The following PLIN4 variants were observed in gnomAD, a reference collection of about 807,000 sequenced individuals.
PLIN4 encodes perilipin 4, also known as perilipin-4.
Under a neutral mutation model 52.4 loss-of-function variants are expected in PLIN4, and 57 were observed. That is an observed-to-expected ratio of 1.09 (90% confidence interval 0.88 to 1.36). The LOEUF (loss-of-function observed/expected upper bound fraction) is 1.36, where lower values mean the gene tolerates loss of function less well. PLIN4 is among the 40% of genes most tolerant of loss of function. The pLI, the probability that PLIN4 is intolerant of heterozygous loss-of-function variation, is 0.00. For synonymous variants in PLIN4, 826 were observed against 785.4 expected, an observed-to-expected ratio of 1.05 and a Z score of -0.86; for missense variants, 1,757 against 1,770.3, an observed-to-expected ratio of 0.99 and a Z score of 0.13.
At chr19:4,509,787 A>G (rs568286117) in intron 5 of PLIN4, among the ~76,000 whole-genome samples, 18 of 150,588 alleles carry the variant, frequency 1.2e-4, no homozygotes, top group Admixed American at 6.6e-4. Context: ...AAAAAAATAC[A>G]TAGCCGGGCA....
Position 4,516,459 on chromosome 19 carries a change from G to C in PLIN4, c.258+158C>G, listed in dbSNP as rs1425135860. Among the ~76,000 whole-genome samples the C allele has an allele frequency of 3.9e-5, 6 of 152,216 alleles. No homozygotes were observed. In the East Asian group the frequency reaches 1.2e-3, roughly 29 times the overall value. On this transcript the variant is annotated intron_variant, in intron 4 of 7. Coordinates refer to ENST00000301286, the MANE Select transcript of PLIN4 (RefSeq NM_001367868.2). ...AAGCTCCGCCTGGGATCCCCAGGCTGTCTGCCTTCCCTCAGGCCCACAGCA... is the reference window on the plus strand; with the variant it reads ...AAGCTCCGCCTGGGATCCCCAGGCTCTCTGCCTTCCCTCAGGCCCACAGCA...
intron 5 of PLIN4, 90 bp downstream of exon 5, chr19:4,510,356 A>G: frequency 8.0e-7 from 1 of 1,257,344 alleles, no homozygotes; most frequent in South Asian, 3.4e-5. Context: ...ACAGAGCACG[A>G]CTCTGTCTCA....
At position 4,513,303 on chromosome 19, in the gene PLIN4, A is replaced by C. The variant is rs771927591; in HGVS notation, c.657T>G (p.Thr219=). The C allele has an allele frequency of 1.2e-6, 2 of 1,610,592 alleles. No homozygotes were observed. The highest frequency in any genetic ancestry group is 1.7e-5 in the Admixed American group (1 of 59,762). Residue 219 remains threonine, a synonymous_variant, in exon 5 of 8, where the codon ACT becomes ACG. Coordinates refer to ENST00000301286, the MANE Select transcript of PLIN4 (RefSeq NM_001367868.2). ...VMGAVNLAKG[T]VQTGVETSKA... Reference sequence around the variant, plus strand: ...TGGAGGTTTCCACGCCAGTCTGGACAGTCCCTTTGGCCAAGTTCACTGCCC... The same window carrying C: ...TGGAGGTTTCCACGCCAGTCTGGACCGTCCCTTTGGCCAAGTTCACTGCCC...
chr19:4,504,419 G>A lies in PLIN4; in HGVS notation c.*40C>T. On this transcript the variant is annotated 3_prime_UTR_variant, in exon 8 of 8. Transcript: ENST00000301286. ...TTCTGAGGCAGCTCCTCCCTGGACA[G>A]AGCAGGGCGACCCCGCGCCGGGCCT... 6.8e-7 allele frequency: 1 copy of A among 1,474,354 alleles called. No individual in the cohort carries two copies. The highest frequency in any genetic ancestry group is 9.0e-7 in the Non-Finnish European group (1 of 1,109,750). 91.3% of individuals were successfully genotyped at this position (1,474,354 alleles called of 1,614,324 possible).
rs766456361 is a variant in PLIN4, at chr19:4,504,482, C to T, written c.4093G>A (p.Ala1365Thr). The T allele has an allele frequency of 1.1e-5, 18 of 1,588,276 alleles. No individual in the cohort carries two copies. In the Admixed American group the frequency reaches 1.7e-4, roughly 15 times the overall value. Residue 1365 changes from alanine to threonine, a missense_variant, in exon 8 of 8, where the codon GCC becomes ACC. Coordinates refer to ENST00000301286, the MANE Select transcript of PLIN4 (RefSeq NM_001367868.2). Reference sequence around the variant, plus strand: ...AGCTACTGCCCGCCAGCGGGCAAGGCGAAGGGCCCTACCAGCCAGCTGAGC... The same window carrying T: ...AGCTACTGCCCGCCAGCGGGCAAGGTGAAGGGCCCTACCAGCCAGCTGAGC... Reference protein sequence around the residue: ...PPLSWLVGPFALPAGGQ With the variant: ...PPLSWLVGPFTLPAGGQ
Position 4,510,701 on chromosome 19 carries a change from C to T in PLIN4, c.3259G>A (p.Ala1087Thr), listed in dbSNP as rs776817600. The T allele has an allele frequency of 3.1e-5, 47 of 1,524,766 alleles. No homozygotes were observed. The highest frequency in any genetic ancestry group is 2.1e-4 in the South Asian group (16 of 76,898). The allele number at this position is 1,524,766 out of a possible 1,614,324, so 94.5% of individuals were successfully genotyped here. A position where few individuals can be genotyped will look rare whatever the true frequency, so the allele number is the denominator to read the frequency against. The part of the protein sequence containing the change: ...GEQTALSPQE[A>T]PFSGISTPPD... ...GGCGTGGAGATGCCAGAGAACGGGG[C>T]CTCTTGGGGGCTCAGGGCAGTCTGC... Residue 1087 changes from alanine (A) to threonine (T), a missense_variant, in exon 5 of 8, where the codon GCC becomes ACC. This residue lies in a region of PLIN4 where 712 missense variants were observed against 637.1 expected (regional missense o/e 1.12). Coordinates refer to ENST00000301286, the MANE Select transcript of PLIN4 (RefSeq NM_001367868.2).
Position 4,513,398 on chromosome 19 carries a change from G to A in PLIN4, c.562C>T (p.Gln188Ter), listed in dbSNP as rs775560282. Residue 188 changes from glutamine (Q) to a stop codon, truncating the protein, a stop_gained, in exon 5 of 8, where the codon CAG becomes TAG. Coordinates refer to ENST00000301286, the MANE Select transcript of PLIN4 (RefSeq NM_001367868.2). LOFTEE classifies it high-confidence loss of function. ...GAVNVAKGTVQAGVDTTKTVL... is the reference protein window; with the variant it reads ...GAVNVAKGTV ...GTCTTGGTGGTGTCCACACCGGCCT[G>A]TACGGTCCCTTTGGCCACATTCACT... The A allele has an allele frequency of 3.1e-6, 5 of 1,613,622 alleles. No individual in the cohort carries two copies. Among genetic ancestry groups the A allele is most frequent in the Non-Finnish European group, 4.2e-6 (5 of 1,179,878 alleles).
In PLIN4 at chr19:4,514,307, TGGGCGGG is replaced by T. The variant is rs1976527193; in HGVS notation, c.259-613_259-607del. ...TCTCTACAAAATTTTAACAACTGGCTGGGCGGGGGGCACACCTGTAGTCCCAGCTATT... is the reference window on the plus strand; with the variant it reads ...TCTCTACAAAATTTTAACAACTGGCTGGGCACACCTGTAGTCCCAGCTATT... On this transcript the variant is annotated intron_variant, in intron 4 of 7. Coordinates refer to ENST00000301286, the MANE Select transcript of PLIN4 (RefSeq NM_001367868.2). Among the ~76,000 whole-genome samples the T allele has an allele frequency of 4.6e-5, 7 of 151,944 alleles. 1 individual carries two copies. The South Asian group carries it at 1.5e-3, about 32-fold the overall frequency.
intron 6 of PLIN4, 62 bp from the exon 7 acceptor site, chr19:4,505,009 A>G: frequency 2.1e-6 from 3 of 1,440,278 alleles, no homozygotes; most frequent in Non-Finnish European, 2.8e-6. Flanking sequence ...CACAACCCCC[A>G]CCTCCCCCTC....
intron 6 of PLIN4, among the ~76,000 whole-genome samples, chr19:4,505,220 T>C (rs1016946575): frequency 6.6e-6 from 1 of 152,156 alleles, no homozygotes; most frequent in South Asian, 2.1e-4. Flanking sequence ...CCAGTACCCT[T>C]AAGATAAAAC....
Position 4,510,899 on chromosome 19 carries a change from T to G in PLIN4, c.3061A>C (p.Thr1021Pro). 6 of 1,613,610 alleles carry G rather than the reference T, an allele frequency of 3.7e-6. No homozygotes were observed. The highest frequency in any genetic ancestry group is 5.1e-6 in the Non-Finnish European group (6 of 1,179,868). Residue 1021 changes from threonine (T) to proline (P), a missense_variant, in exon 5 of 8, where the codon ACA becomes CCA. Thr to Pro is a conservative substitution (Grantham distance 38). This residue lies in a region of PLIN4 where 712 missense variants were observed against 637.1 expected (regional missense o/e 1.12). Transcript: ENST00000301286. ...GCGTCTTTGGTTCCGGTCAGCACTG[T>G]CTTGGTGGTGTCCAGGCCCCCCTGG... ...AVQGGLDTTK[T>P]VLTGTKDAVS... is the part of the protein sequence containing the mutation.
chr19:4,504,461 A>G lies in PLIN4; in HGVS notation c.4114T>C (p.Ter1372GlnextTer2), dbSNP rs774812924. The G allele has an allele frequency of 1.3e-6, 2 of 1,568,236 alleles. No homozygotes were observed. The highest frequency in any genetic ancestry group is 2.3e-5 in the East Asian group (1 of 43,524). The change falls in exon 8 of 8, where the codon TAG becomes CAG. Residue 1372 changes from the stop codon to glutamine (Q), a stop_lost. Coordinates refer to ENST00000301286, the MANE Select transcript of PLIN4 (RefSeq NM_001367868.2). Reference protein sequence around the residue: ...GPFALPAGGQ* With the variant: ...GPFALPAGGQQ ...GCCGGGCCTGCAGGCTCCTACAGCTACTGCCCGCCAGCGGGCAAGGCGAAG... is the reference window on the plus strand; with the variant it reads ...GCCGGGCCTGCAGGCTCCTACAGCTGCTGCCCGCCAGCGGGCAAGGCGAAG...
intron 3 of PLIN4, among the ~76,000 whole-genome samples, chr19:4,517,050 A>C (rs1319372407): frequency 1.3e-5 from 2 of 152,068 alleles, no homozygotes. Context: ...AGGCATGTGG[A>C]GCAGAAGTCA....
rs976025826 is a variant in PLIN4 at position 4,503,606 on chromosome 19, C to T, written c.*853G>A. On this transcript the variant is annotated 3_prime_UTR_variant, in exon 8 of 8. Coordinates refer to ENST00000301286, the MANE Select transcript of PLIN4 (RefSeq NM_001367868.2). ...AGGGCACAGTTCCCTGCGGGGAAGTCCTTTGTCTGTGTTCTCCAGGGGCAG... is the reference window on the plus strand; with the variant it reads ...AGGGCACAGTTCCCTGCGGGGAAGTTCTTTGTCTGTGTTCTCCAGGGGCAG... The T allele has an allele frequency of 3.3e-5, 5 of 152,402 alleles. No homozygotes were observed. The highest frequency in any genetic ancestry group is 6.5e-5 in the Admixed American group (1 of 15,294). 9.4% of individuals were successfully genotyped at this position (152,402 alleles called of 1,614,324 possible).
intron 5 of PLIN4, among the ~76,000 whole-genome samples, chr19:4,509,590 C>T (rs1407850125): frequency 2.0e-5 from 3 of 152,064 alleles, no homozygotes; most frequent in African/African-American, 7.2e-5. Flanking sequence ...TGCCACTGGA[C>T]TCCAGCCTGG....
intron 6 of PLIN4, among the ~76,000 whole-genome samples, chr19:4,506,038 C>T (rs1027075848): frequency 2.0e-5 from 3 of 152,122 alleles, no homozygotes; most frequent in African/African-American, 7.2e-5. Flanking sequence ...CTCCTGAGGC[C>T]CGGCAGCACT....
intron 2 of PLIN4, 90 bp downstream of exon 2, chr19:4,518,132 T>C: frequency 1.8e-6 from 2 of 1,108,486 alleles, no homozygotes; most frequent in Non-Finnish European, 2.3e-6. Flanking sequence ...CCTCTCCAGA[T>C]TCGAGACCCC....
In PLIN4 at chr19:4,513,506, C is replaced by T; in HGVS notation, c.454G>A (p.Gly152Arg). The T allele has an allele frequency of 6.2e-7, 1 of 1,612,776 alleles. No homozygotes were observed. The change falls in exon 5 of 8, where the codon GGG becomes AGG. Residue 152 changes from glycine to arginine, a missense_variant. Physicochemically the swap from Gly to Arg is moderately radical, Grantham distance 125 (BLOSUM62 -2). Coordinates refer to ENST00000301286, the MANE Select transcript of PLIN4 (RefSeq NM_001367868.2). Reference protein sequence around the residue: ...GVTGAMDMAKGAVQGGLDTSK... With the variant: ...GVTGAMDMAKRAVQGGLDTSK... Reference sequence around the variant, plus strand: ...GTGTCCAGACCCCCTTGGACGGCCCCCTTAGCCATGTCCATGGCCCCTGTG... The same window carrying T: ...GTGTCCAGACCCCCTTGGACGGCCCTCTTAGCCATGTCCATGGCCCCTGTG...
intron 6 of PLIN4, among the ~76,000 whole-genome samples, chr19:4,506,778 T>C (rs1041299200): frequency 6.6e-6 from 1 of 152,274 alleles, no homozygotes; most frequent in African/African-American, 2.4e-5. Flanking sequence ...ATCAGCCGCT[T>C]GCAGCGTGCT....
Sources: gnomAD v4.1 joint callset for allele counts (sites outside exome capture counted in the v4.1 genomes callset) on GRCh38, gnomAD v4.1.1 for gene constraint, gnomAD v4.1.1 regional missense constraint, MANE v1.5 for transcripts, NCBI Gene and HGNC (gene_info 2026-07-23, HGNC 2026-07-21) for gene names.